NCOR1: variants seen among roughly 807,000 people sequenced by gnomAD.
NCOR1 encodes the protein nuclear receptor corepressor 1.
A neutral mutation model predicts 288.1 loss-of-function variants in NCOR1; 63 were observed. That is an observed-to-expected ratio of 0.22 (90% CI 0.18 to 0.27). The LOEUF (loss-of-function observed/expected upper bound fraction) is 0.27. Ranked by LOEUF, NCOR1 falls within the 10% of genes least tolerant of loss-of-function variation. NCOR1 has a pLI of 1.00. For synonymous variants in NCOR1, 1,007 were observed against 1,065.9 expected, an observed-to-expected ratio of 0.94 and a Z score of 1.08; for missense variants, 2,397 against 3,019.2, an observed-to-expected ratio of 0.79 and a Z score of 4.83.
At position 16,061,844 on chromosome 17, in the gene NCOR1, C is replaced by A. The variant is rs765553300; in HGVS notation, c.5438G>T (p.Arg1813Leu). 1 of 1,613,948 alleles carries A rather than the reference C, an allele frequency of 6.2e-7. No individual in the cohort carries two copies. Among genetic ancestry groups the A allele is most frequent in the East Asian group, 2.2e-5 (1 of 44,890 alleles). ...PSISQGLPASRYNTAADALAA... is the reference protein window; with the variant it reads ...PSISQGLPASLYNTAADALAA... ...CAGGGCATCCGCAGCAGTGTTGTAACGGGAGGCTGGCAGGCCTTGGCTTAT... is the reference window on the plus strand; with the variant it reads ...CAGGGCATCCGCAGCAGTGTTGTAAAGGGAGGCTGGCAGGCCTTGGCTTAT... The change falls in exon 37 of 46, where the codon CGT becomes CTT. Residue 1813 changes from arginine to leucine, a missense_variant. By Grantham distance (102) the Arg-to-Leu change is moderately radical. Coordinates refer to ENST00000268712, the MANE Select transcript of NCOR1 (RefSeq NM_006311.4).
intron 42 of NCOR1, chr17:16,041,164 ACT>A (rs992304699): frequency 2.0e-5 from 3 of 152,124 alleles, no homozygotes; most frequent in African/African-American, 7.2e-5. Context: ...AAAACAAAAG[ACT>A]CTGTTGATCC....
intron 18 of NCOR1, among the ~76,000 whole-genome samples, chr17:16,114,925 T>C (rs548902655): frequency 6.6e-6 from 1 of 152,222 alleles, no homozygotes; most frequent in East Asian, 1.9e-4. Context: ...AGTGCACTAG[T>C]AGGGAGTCTG....
At chr17:16,207,374 T>A (rs991589374) in intron 1 of NCOR1, among the ~76,000 whole-genome samples, 1 of 152,092 alleles carries the variant, frequency 6.6e-6, no homozygotes, top group Non-Finnish European at 1.5e-5. Flanking sequence ...TTCAACAAAG[T>A]ATGGGGTAAA....
Position 16,029,877 on chromosome 17 carries a change from C to T in NCOR1, c.*2419G>A, listed in dbSNP as rs1971783873. On this transcript the variant is annotated 3_prime_UTR_variant, in exon 46 of 46. Transcript: ENST00000268712. ...AGGATGGAGGGAGTGGTTCACAGCA[C>T]CTCACCTTCGGGTCCTCAGGTAGAA... 6.5e-6 allele frequency: 1 copy of T among 153,004 alleles called. No individual in the cohort carries two copies. Among genetic ancestry groups the T allele is most frequent in the African/African-American group, 2.4e-5 (1 of 41,438 alleles). The allele number at this position is 153,004 out of a possible 1,614,324, so 9.5% of individuals were successfully genotyped here. A position where few individuals can be genotyped will look rare whatever the true frequency, so the allele number is the denominator to read the frequency against.
chr17:16,152,454 T>G (rs959767311), intron 7 of NCOR1, among the ~76,000 whole-genome samples: 1 of 152,210 alleles, frequency 6.6e-6, no homozygotes, highest in Non-Finnish European at 1.5e-5. Flanking sequence ...GTTTCCAGCT[T>G]CATCCATGTC....
chr17:16,207,629 T>C (rs1170211378), intron 1 of NCOR1, among the ~76,000 whole-genome samples: 3 of 151,212 alleles, frequency 2.0e-5, no homozygotes, highest in Non-Finnish European at 4.4e-5. Context: ...TAGTCCCAGC[T>C]ACTCTGGAGG....
intron 3 of NCOR1, among the ~76,000 whole-genome samples, chr17:16,178,233 C>T (rs1417689844): frequency 6.6e-6 from 1 of 151,170 alleles, no homozygotes; most frequent in Non-Finnish European, 1.5e-5. Flanking sequence ...GTTGTGGTGG[C>T]TCATGCCTGT....
At chr17:16,162,941 T>TA (rs1306379954) in intron 5 of NCOR1, among the ~76,000 whole-genome samples, 8 of 152,084 alleles carry the variant, frequency 5.3e-5, no homozygotes, top group Non-Finnish European at 8.8e-5. Flanking sequence ...ATAAAACTTC[T>TA]AAAAAATAAT....
At chr17:16,148,696 C>G (rs1030293131) in intron 9 of NCOR1, among the ~76,000 whole-genome samples, 1 of 97,868 alleles carries the variant, frequency 1.0e-5, no homozygotes, top group Non-Finnish European at 2.0e-5. Flanking sequence ...AAAAACAACT[C>G]AAGACCAGTA....
At chr17:16,187,160 T>C (rs1474596018) in intron 2 of NCOR1, among the ~76,000 whole-genome samples, 1 of 151,982 alleles carries the variant, frequency 6.6e-6, no homozygotes, top group African/African-American at 2.4e-5. Context: ...TAGGTGAGTG[T>C]TTTTATGTTT....
At chr17:16,124,433 G>A (rs955151184) in intron 15 of NCOR1, among the ~76,000 whole-genome samples, 5 of 152,204 alleles carry the variant, frequency 3.3e-5, no homozygotes, top group South Asian at 4.2e-4. Context: ...TATGGGAACC[G>A]TTTGGGGTGA....
chr17:16,086,213 A>C, intron 23 of NCOR1, 69 bp downstream of exon 23: 1 of 1,467,864 alleles, frequency 6.8e-7, no homozygotes, highest in Non-Finnish European at 9.5e-7. Context: ...AATCAGTGCG[A>C]GGAGGGAGGA....
chr17:16,049,089 C>A (rs1334163090), intron 40 of NCOR1, 101 bp from the exon 41 acceptor site: 7 of 1,196,974 alleles, frequency 5.8e-6, no homozygotes, highest in Non-Finnish European at 5.6e-6. Context: ...GGAGAAGGAG[C>A]AAAAGCTGCC....
intron 7 of NCOR1, among the ~76,000 whole-genome samples, chr17:16,152,835 T>C (rs912544882): frequency 4.6e-5 from 7 of 152,180 alleles, no homozygotes; most frequent in African/African-American, 1.7e-4. Context: ...GACTTTTTAA[T>C]GATTGCCATT....
chr17:16,043,831 T>A (rs1186423420), intron 42 of NCOR1, among the ~76,000 whole-genome samples: 1 of 152,108 alleles, frequency 6.6e-6, no homozygotes, highest in East Asian at 1.9e-4. Context: ...AAATAATAGA[T>A]TAAACTGTTG....
chr17:16,034,694 T>C (rs757614163), intron 45 of NCOR1, 71 bp downstream of exon 45: 1 of 1,356,082 alleles, frequency 7.4e-7, no homozygotes. Flanking sequence ...TGCTGAATTT[T>C]GAAGAACTAA....
At chr17:16,079,912 A>G in intron 26 of NCOR1, 52 bp downstream of exon 26, 2 of 1,461,128 alleles carry the variant, frequency 1.4e-6, no homozygotes, top group Admixed American at 1.7e-5. Flanking sequence ...AGAATTATTT[A>G]TCATTTTTTC....
In NCOR1 at chr17:16,034,885, T is replaced by C. The variant is rs1483739906; in HGVS notation, c.7015A>G (p.Ile2339Val). 3.7e-6 allele frequency: 6 copies of C among 1,614,048 alleles called. No homozygotes were observed. The highest frequency in any genetic ancestry group is 1.3e-5 in the African/African-American group (1 of 74,906). Reference sequence around the variant, plus strand: ...GTTCCTAAGTAGCCTTGCCCAGGTATAGGAGACTTAGATTTCCTGCTGTTT... The same window carrying C: ...GTTCCTAAGTAGCCTTGCCCAGGTACAGGAGACTTAGATTTCCTGCTGTTT... ...KSNSRKSKSP[I>V]PGQGYLGTER... is the part of the protein sequence containing the mutation. The change falls in exon 45 of 46, where the codon ATA becomes GTA. Residue 2339 changes from isoleucine to valine, a missense_variant. By Grantham distance (29) the Ile-to-Val change is conservative. Transcript: ENST00000268712.
rs1379005030 is a variant in NCOR1 at position 16,199,276 on chromosome 17, A to G, written c.-70-4637T>C. The stretch of plus-strand genomic sequence containing the variant: ...AATCAGGAAATTAGCCCCTACTAGC[A>G]TACAAATTTACAGGTCAAAGCAAGC... On this transcript the variant is annotated intron_variant, in intron 1 of 45. Coordinates refer to ENST00000268712, the MANE Select transcript of NCOR1 (RefSeq NM_006311.4). 2.0e-5 allele frequency among the ~76,000 whole-genome samples: 3 copies of G among 150,926 alleles called. No individual in the cohort carries two copies. In the East Asian group the frequency reaches 5.8e-4, roughly 29 times the overall value.
Sources: gnomAD v4.1 joint callset for allele counts (sites outside exome capture counted in the v4.1 genomes callset) on GRCh38, gnomAD v4.1.1 for gene constraint, MANE v1.5 for transcripts, NCBI Gene and HGNC (gene_info 2026-07-23, HGNC 2026-07-21) for gene names.